MAP3K5: variants seen among roughly 807,000 people sequenced by gnomAD.
The protein encoded by MAP3K5 is ASK-1.
In MAP3K5, 56 loss-of-function variants were observed where a neutral mutation model predicts 158.7. The ratio of observed to expected loss-of-function variants is 0.35; its 90% CI spans 0.28 to 0.44. The LOEUF (loss-of-function observed/expected upper bound fraction) is 0.44. MAP3K5 is among the 20% of genes least tolerant of loss of function. The pLI, the probability that MAP3K5 is intolerant of heterozygous loss-of-function variation, is 1.00. For synonymous variants in MAP3K5, 579 were observed against 601.7 expected (o/e 0.96, Z 0.55); for missense variants, 1,294 against 1,674.8 (o/e 0.77, Z 3.97).
rs748964771 is a variant in MAP3K5 at position 136,609,904 on chromosome 6, G to C, written c.2521+1378C>G. The stretch of plus-strand genomic sequence containing the variant: ...AACCCAGGAGTTCAAGACCAGCCTG[G>C]GCAACATAGCAAGACCCAGTCTCAA... On this transcript the variant is annotated intron_variant, in intron 18 of 29. Coordinates refer to ENST00000359015, the MANE Select transcript of MAP3K5 (RefSeq NM_005923.4). The surrounding 1 kb of genome is among the most constrained non-coding windows in gnomAD (Gnocchi z 4.4). Among the ~76,000 whole-genome samples the C allele has an allele frequency of 6.7e-6, 1 of 149,794 alleles. No individual in the cohort carries two copies. Among genetic ancestry groups the C allele is most frequent in the Non-Finnish European group, 1.5e-5 (1 of 67,576 alleles).
In MAP3K5 at chr6:136,629,699, C is replaced by T. The variant is rs529824867; in HGVS notation, c.2017-6718G>A. On this transcript the variant is annotated intron_variant, in intron 14 of 29. Transcript: ENST00000359015. ...TCAATCTCCTGACCTCATGATCCACCCGCCTTGGTCTCCCAAAGTGCTGAG... is the reference window on the plus strand; with the variant it reads ...TCAATCTCCTGACCTCATGATCCACTCGCCTTGGTCTCCCAAAGTGCTGAG... 2.0e-5 allele frequency among the ~76,000 whole-genome samples: 3 copies of T among 152,044 alleles called. No individual in the cohort carries two copies. The South Asian group carries it at 6.2e-4, about 32-fold the overall frequency.
intron 9 of MAP3K5, among the ~76,000 whole-genome samples, chr6:136,659,004 G>A (rs1400080582): frequency 6.6e-6 from 1 of 152,248 alleles, no homozygotes; most frequent in African/African-American, 2.4e-5. Flanking sequence ...CAATGTGCAG[G>A]AGAGGCTAAG....
intron 1 of MAP3K5, among the ~76,000 whole-genome samples, chr6:136,746,703 A>C (rs921179075): frequency 2.0e-5 from 3 of 152,124 alleles, no homozygotes; most frequent in Non-Finnish European, 4.4e-5. Context: ...TTTTTGCAAT[A>C]AAAAAGCAAT....
chr6:136,572,197 G>A (rs1774399555), intron 25 of MAP3K5, among the ~76,000 whole-genome samples: 1 of 152,042 alleles, frequency 6.6e-6, no homozygotes, highest in African/African-American at 2.4e-5. Context: ...TTAAATTAGA[G>A]GACAAGATTA....
rs551331579 is a variant in MAP3K5, at chr6:136,727,920, C to T, written c.449-7331G>A. On this transcript the variant is annotated intron_variant, in intron 1 of 29. Coordinates refer to ENST00000359015, the MANE Select transcript of MAP3K5 (RefSeq NM_005923.4). The stretch of plus-strand genomic sequence containing the variant: ...CAGCTTGCAGTGAGCAGAGATAGCA[C>T]CATTGCACTCCAGCCTGGGCGACAG... Among the ~76,000 whole-genome samples, 24 of 151,358 alleles carry T rather than the reference C, an allele frequency of 1.6e-4. 1 individual carries two copies. The highest frequency in any genetic ancestry group is 5.8e-4 in the African/African-American group (24 of 41,156).
chr6:136,713,887 CA>C (rs1781414184), intron 2 of MAP3K5, among the ~76,000 whole-genome samples: 1 of 152,268 alleles, frequency 6.6e-6, no homozygotes, highest in East Asian at 1.9e-4. Flanking sequence ...TTCCAGTTCA[CA>C]AATTGTGAGA....
chr6:136,741,047 C>T (rs1782685074), intron 1 of MAP3K5, among the ~76,000 whole-genome samples: 1 of 152,124 alleles, frequency 6.6e-6, no homozygotes, highest in African/African-American at 2.4e-5. Flanking sequence ...GCTTTTCCAT[C>T]AATAAGACTG....
At chr6:136,570,605 T>C (rs781624797) in intron 25 of MAP3K5, among the ~76,000 whole-genome samples, 6 of 152,216 alleles carry the variant, frequency 3.9e-5, no homozygotes, top group Non-Finnish European at 1.5e-5. Flanking sequence ...CCAGTTTACA[T>C]AGACCTGGCT....
intron 10 of MAP3K5, among the ~76,000 whole-genome samples, chr6:136,654,044 A>G (rs986152457): frequency 6.6e-6 from 1 of 152,258 alleles, no homozygotes; most frequent in Non-Finnish European, 1.5e-5. Context: ...TGGATTGCTG[A>G]GAAAAATCAA....
At chr6:136,705,961 T>G (rs1781058739) in intron 2 of MAP3K5, among the ~76,000 whole-genome samples, 2 of 152,076 alleles carry the variant, frequency 1.3e-5, no homozygotes, top group Non-Finnish European at 2.9e-5. Context: ...CATTGAGAAA[T>G]ATAATGGGAT....
intron 2 of MAP3K5, among the ~76,000 whole-genome samples, chr6:136,705,668 A>G (rs777559103): frequency 2.1e-4 from 32 of 152,230 alleles, no homozygotes; most frequent in Non-Finnish European, 8.8e-5. Context: ...CAGTTTAAAA[A>G]ACAAAACAAA....
At chr6:136,585,469 T>TTTCTTTCTTTCTTTCTTTCTTTC (rs150800306) in intron 23 of MAP3K5, among the ~76,000 whole-genome samples, 13 of 131,424 alleles carry the variant, frequency 9.9e-5, no homozygotes, top group Non-Finnish European at 1.8e-4. Flanking sequence ...CTTTCTTTTC[T>TTTCTTTCTTTCTTTCTTTCTTTC]TTTCTTTATT....
At chr6:136,760,722 C>T (rs1158413480) in intron 1 of MAP3K5, among the ~76,000 whole-genome samples, 1 of 152,184 alleles carries the variant, frequency 6.6e-6, no homozygotes. Flanking sequence ...GTAATCCCAG[C>T]ACTTTGGGAG....
At chr6:136,737,849 C>G (rs1456994178) in intron 1 of MAP3K5, among the ~76,000 whole-genome samples, 2 of 152,130 alleles carry the variant, frequency 1.3e-5, no homozygotes, top group African/African-American at 2.4e-5. Context: ...GAGCAGAGGA[C>G]AAGGAGTGGC....
At chr6:136,666,667 T>C (rs1315882721) in intron 8 of MAP3K5, among the ~76,000 whole-genome samples, 1 of 152,224 alleles carries the variant, frequency 6.6e-6, no homozygotes, top group Non-Finnish European at 1.5e-5. Flanking sequence ...CGAAAATCCA[T>C]TTAATCCTCT....
intron 1 of MAP3K5, among the ~76,000 whole-genome samples, chr6:136,771,268 CATT>C (rs1784189639): frequency 6.6e-6 from 1 of 152,100 alleles, no homozygotes; most frequent in African/African-American, 2.4e-5. Flanking sequence ...ACACTAATCT[CATT>C]ATTATTATTA....
Position 136,592,281 on chromosome 6 carries a change from A to G in MAP3K5, c.3117T>C (p.Ser1039=). ...SAPPSPEEKD[S]GFFMLRKDSE... is the part of the protein sequence containing the mutation. ...TGTCCTTCCTCAGCATGAAGAATCCAGAATCTTTTTCTTCAGGGGAAGGAG... is the reference window on the plus strand; with the variant it reads ...TGTCCTTCCTCAGCATGAAGAATCCGGAATCTTTTTCTTCAGGGGAAGGAG... Residue 1039 remains serine, a synonymous_variant, in exon 23 of 30, where the codon TCT becomes TCC. Coordinates refer to ENST00000359015, the MANE Select transcript of MAP3K5 (RefSeq NM_005923.4). 6.2e-7 allele frequency: 1 copy of G among 1,610,226 alleles called. No individual in the cohort carries two copies. The highest frequency in any genetic ancestry group is 2.2e-5 in the East Asian group (1 of 44,854).
chr6:136,621,504 C>T (rs1313223069), intron 15 of MAP3K5, among the ~76,000 whole-genome samples: 2 of 152,100 alleles, frequency 1.3e-5, no homozygotes, highest in Non-Finnish European at 1.5e-5. Flanking sequence ...ACATGATATC[C>T]TAGGTGAAAG....
chr6:136,762,779 CT>C (rs1393075648), intron 1 of MAP3K5, among the ~76,000 whole-genome samples: 1 of 152,144 alleles, frequency 6.6e-6, no homozygotes, highest in Non-Finnish European at 1.5e-5. Flanking sequence ...TGCATTGCCC[CT>C]GGGGAAAGTC....
Sources: gnomAD v4.1 joint callset for allele counts (sites outside exome capture counted in the v4.1 genomes callset) on GRCh38, gnomAD v4.1.1 for gene constraint, Gnocchi (gnomAD v3.1) non-coding constraint, MANE v1.5 for transcripts, NCBI Gene and HGNC (gene_info 2026-07-23, HGNC 2026-07-21) for gene names.